The following EGFL6 variants were observed in gnomAD, a reference collection of about 807,000 sequenced individuals.
EGFL6 encodes the protein epidermal growth factor-like protein 6.
EGFL6 carries 42 observed loss-of-function variants against 43.1 expected under a neutral mutation model. The ratio of observed to expected loss-of-function variants is 0.98; its 90% CI spans 0.76 to 1.26. EGFL6 has a LOEUF of 1.26. Ranked by LOEUF, EGFL6 falls within the 50% of genes most tolerant of loss-of-function variation. The probability of loss-of-function intolerance (pLI) is 0.00; values close to 1 mark genes in which losing one functional copy is unlikely to be tolerated. For missense variants in EGFL6, 429 were observed against 427.8 expected (o/e 1.00, Z -0.02); for synonymous variants, 164 against 163.2 (o/e 1.01, Z -0.04).
At chrX:13,606,575 T>G in intron 6 of EGFL6, 62 bp downstream of exon 6, 7 of 1,128,510 alleles carry the variant, frequency 6.2e-6, no homozygotes, top group Non-Finnish European at 6.0e-6. Flanking sequence ...GAGCCTTCTC[T>G]GCAGATATTT....
rs769960734 is a variant in EGFL6 at position 13,623,712 on chromosome X, T to C, written c.1184-112T>C. ...ACATAACTCAAAACAGGGTATGTCA[T>C]GATCTGTACTCTGTGCGACTGAAAA... On this transcript the variant is annotated intron_variant, in intron 9 of 11. Transcript: ENST00000361306. 345 of 527,396 alleles carry C rather than the reference T, an allele frequency of 6.5e-4. 4 individuals are homozygous for C. The East Asian group carries it at 0.012, about 18-fold the overall frequency. 43.5% of individuals were successfully genotyped at this position (527,396 alleles called of 1,213,427 possible).
At chrX:13,614,870 C>G (rs987240818) in intron 7 of EGFL6, among the ~76,000 whole-genome samples, 13 of 110,395 alleles carry the variant, frequency 1.2e-4, no homozygotes, top group Non-Finnish European at 2.1e-4. Context: ...GCCTCAGCCT[C>G]CTGAGTAGCT....
intron 1 of EGFL6, among the ~76,000 whole-genome samples, chrX:13,589,216 T>C (rs747739816): frequency 8.9e-6 from 1 of 112,159 alleles, no homozygotes; most frequent in African/African-American, 3.2e-5. Flanking sequence ...GATTAGAAAG[T>C]GACTGAAATA....
At chrX:13,589,704 C>T (rs987539517) in intron 2 of EGFL6, 36 bp downstream of exon 2, 3 of 1,129,166 alleles carry the variant, frequency 2.7e-6, no homozygotes, top group African/African-American at 3.6e-5. Context: ...GCACTTGGAT[C>T]AGGGCCCTTA....
intron 10 of EGFL6, among the ~76,000 whole-genome samples, chrX:13,624,246 A>G (rs149840230): frequency 0.022 from 2,505 of 111,915 alleles, 68 homozygotes; most frequent in African/African-American, 0.078. Context: ...GTAGAAAGAA[A>G]TGGTTTCTTC....
intron 1 of EGFL6, among the ~76,000 whole-genome samples, chrX:13,571,283 G>A (rs988425956): frequency 1.7e-4 from 19 of 110,982 alleles, no homozygotes; most frequent in Non-Finnish European, 3.0e-4. Flanking sequence ...CAGGCTTCTC[G>A]AAGGTTTGCC....
At chrX:13,595,235 C>A (rs370181962) in intron 3 of EGFL6, among the ~76,000 whole-genome samples, 2 of 110,382 alleles carry the variant, frequency 1.8e-5, no homozygotes, top group African/African-American at 6.6e-5. Context: ...AAAAAAAGAG[C>A]CTTTTTAAAA....
At chrX:13,628,732 G>A (rs183944270) in intron 11 of EGFL6, among the ~76,000 whole-genome samples, 108 of 111,764 alleles carry the variant, frequency 9.7e-4, no homozygotes, top group African/African-American at 3.3e-3. Context: ...GCTTTAACCC[G>A]GGAGGCGGAG....
intron 7 of EGFL6, among the ~76,000 whole-genome samples, chrX:13,610,403 C>A (rs1217463331): frequency 9.0e-6 from 1 of 111,506 alleles, no homozygotes; most frequent in Admixed American, 9.5e-5. Context: ...AGGCTGGGGG[C>A]TCTGAGACGG....
intron 1 of EGFL6, among the ~76,000 whole-genome samples, chrX:13,583,351 ACCCC>A (rs2045518267): frequency 9.0e-6 from 1 of 110,635 alleles, no homozygotes; most frequent in East Asian, 2.8e-4. Context: ...CCTCCAGAAC[ACCCC>A]TCACCCACCC....
chrX:13,579,800 T>C (rs780976450), intron 1 of EGFL6, among the ~76,000 whole-genome samples: 65 of 110,919 alleles, frequency 5.9e-4, no homozygotes, highest in Non-Finnish European at 1.1e-3. Context: ...TGACTCTGGC[T>C]GGAGGATCTG....
intron 7 of EGFL6, among the ~76,000 whole-genome samples, chrX:13,614,749 A>ATTT (rs144356394): frequency 0.012 from 1,156 of 94,375 alleles, 23 homozygotes; most frequent in African/African-American, 0.043. Flanking sequence ...CTCCCTCCAT[A>ATTT]TTTTTTTTTT....
At chrX:13,578,950 A>G (rs141834625) in intron 1 of EGFL6, among the ~76,000 whole-genome samples, 1 of 111,622 alleles carries the variant, frequency 9.0e-6, no homozygotes, top group Non-Finnish European at 1.9e-5. Context: ...AATAAATAAA[A>G]ATTTAGTGGC....
At chrX:13,627,649 A>G in intron 11 of EGFL6, among the ~76,000 whole-genome samples, 1 of 112,182 alleles carries the variant, frequency 8.9e-6, no homozygotes, top group South Asian at 3.7e-4. Flanking sequence ...ATTTCTTTTA[A>G]ATATTTTTTT....
Position 13,600,042 on chromosome X carries a change from C to T in EGFL6, c.348C>T (p.Tyr116=), listed in dbSNP as rs16999038. 2.1e-3 allele frequency: 2,598 copies of T among 1,209,547 alleles called. 33 individuals carry two copies. The African/African-American group carries it at 0.04, about 19-fold the overall frequency. The change falls in exon 4 of 12, where the codon TAC becomes TAT. Residue 116 remains tyrosine, a synonymous_variant. Coordinates refer to ENST00000361306, the MANE Select transcript of EGFL6 (RefSeq NM_015507.4). The part of the protein sequence containing the change: ...QHRCVNTHGS[Y]KCFCLSGHML... Reference sequence around the variant, plus strand: ...GATGTGTGAATACACACGGAAGCTACAAGTGCTTTTGCCTCAGTGGCCACA... The same window carrying T: ...GATGTGTGAATACACACGGAAGCTATAAGTGCTTTTGCCTCAGTGGCCACA...
chrX:13,594,347 A>G (rs2045584541), intron 2 of EGFL6, among the ~76,000 whole-genome samples: 1 of 112,017 alleles, frequency 8.9e-6, no homozygotes, highest in Non-Finnish European at 1.9e-5. Context: ...TCATGCCTCC[A>G]TCATCATCCT....
At chrX:13,612,082 G>T (rs2045691769) in intron 7 of EGFL6, among the ~76,000 whole-genome samples, 1 of 109,615 alleles carries the variant, frequency 9.1e-6, no homozygotes, top group Non-Finnish European at 1.9e-5. Flanking sequence ...TCATTCTTGG[G>T]TGTTTCTCGG....
intron 7 of EGFL6, among the ~76,000 whole-genome samples, chrX:13,609,683 G>A (rs967525318): frequency 1.8e-5 from 2 of 111,300 alleles, no homozygotes; most frequent in African/African-American, 6.5e-5. Context: ...GAACCTGGGA[G>A]GCAGAGGTTT....
chrX:13,625,639 G>A (rs1602660332), intron 10 of EGFL6, among the ~76,000 whole-genome samples: 1 of 110,159 alleles, frequency 9.1e-6, no homozygotes, highest in South Asian at 3.9e-4. Context: ...AGCTGAGATC[G>A]CACTATTGCA....
Sources: allele counts gnomAD v4.1 joint callset (sites outside exome capture counted in the v4.1 genomes callset), GRCh38; gene constraint gnomAD v4.1.1; transcripts MANE v1.5; gene names NCBI Gene and HGNC (gene_info 2026-07-23, HGNC 2026-07-21).